Variants in GK observed in about 807,000 individuals in gnomAD.
The protein encoded by GK is glycerol kinase.
Under a neutral mutation model 56.4 loss-of-function variants are expected in GK, and 9 were observed. The ratio of observed to expected loss-of-function variants is 0.16; its 90% CI spans 0.10 to 0.28. The LOEUF is 0.28. Ranked by LOEUF, GK falls within the 10% of genes least tolerant of loss-of-function variation. GK has a pLI of 1.00. For missense variants in GK, 161 were observed against 431.4 expected, an observed-to-expected ratio of 0.37 and a Z score of 5.55; for synonymous variants, 104 against 144.1, an observed-to-expected ratio of 0.72 and a Z score of 1.99.
chrX:30,660,890 G>A (rs766386135), intron 1 of GK, among the ~76,000 whole-genome samples: 1 of 99,463 alleles, frequency 1.0e-5, no homozygotes, highest in Non-Finnish European at 2.0e-5. Flanking sequence ...TCGGCTCACT[G>A]CACCCTCCGC....
intron 3 of GK, among the ~76,000 whole-genome samples, chrX:30,675,340 C>T (rs934034955): frequency 1.6e-4 from 17 of 106,341 alleles, no homozygotes; most frequent in South Asian, 4.3e-4. Context: ...GGACTACAGG[C>T]GCCCACCACC....
chrX:30,705,911 G>A (rs1935979942), intron 11 of GK, among the ~76,000 whole-genome samples: 1 of 111,947 alleles, frequency 8.9e-6, no homozygotes, highest in African/African-American at 3.2e-5. Flanking sequence ...AGACGCGTAC[G>A]CTACTGTTCA....
chrX:30,696,536 C>T, intron 7 of GK, 81 bp from the exon 8 acceptor site: 1 of 706,798 alleles, frequency 1.4e-6, no homozygotes, highest in East Asian at 3.2e-5. Context: ...GTTATTTATG[C>T]TTTTTGCATT....
chrX:30,722,276 C>T (rs1265357136), intron 18 of GK, among the ~76,000 whole-genome samples: 2 of 112,397 alleles, frequency 1.8e-5, no homozygotes, highest in East Asian at 2.8e-4. Flanking sequence ...AAATGTATTT[C>T]ACCATCTGAT....
At chrX:30,699,507 G>A (rs1196182146) in intron 9 of GK, among the ~76,000 whole-genome samples, 3 of 106,412 alleles carry the variant, frequency 2.8e-5, no homozygotes, top group Non-Finnish European at 5.8e-5. Context: ...TGGGATTACA[G>A]GTACCCGCCA....
Position 30,656,595 on chromosome X carries a change from G to A in GK, c.78+2980G>A, listed in dbSNP as rs188296258. On this transcript the variant is annotated intron_variant, in intron 1 of 20. Transcript: ENST00000427190. ...TAAGTCTTCCTCAAACCGTTATTCA[G>A]AATTCCCCCCCCTTCCTACAGCACT... Among the ~76,000 whole-genome samples the A allele has an allele frequency of 2.2e-4, 24 of 110,959 alleles. No homozygotes were observed. In the East Asian group the frequency reaches 5.4e-3, roughly 25 times the overall value.
chrX:30,720,031 A>C lies in GK; in HGVS notation c.1172A>C (p.Gln391Pro). ...TTTAGGATAATCTGTGGACTCACTC[A>C]GTTCACCAATAAATGCCATATTGCT... Reference protein sequence around the residue: ...SARGIICGLTQFTNKCHIAFA... With the variant: ...SARGIICGLTPFTNKCHIAFA... The change falls in exon 16 of 21, where the codon CAG (glutamine) becomes CCG (proline). Residue 391 changes from glutamine to proline, a missense_variant. By Grantham distance (76) the Gln-to-Pro change is moderately conservative (BLOSUM62 -1). Transcript: ENST00000427190. The C allele has an allele frequency of 8.4e-7, 1 of 1,187,720 alleles. No homozygotes were observed. Among genetic ancestry groups the C allele is most frequent in the Non-Finnish European group, 1.1e-6 (1 of 873,530 alleles).
chrX:30,663,113 C>T (rs1220855379), intron 1 of GK, among the ~76,000 whole-genome samples: 24 of 110,016 alleles, frequency 2.2e-4, no homozygotes, highest in African/African-American at 7.6e-4. Flanking sequence ...AAACTCCAGA[C>T]CTCAGGTGAT....
chrX:30,696,945 G>C, intron 8 of GK: 1 of 352,769 alleles, frequency 2.8e-6, no homozygotes, highest in Non-Finnish European at 5.0e-6. Flanking sequence ...GTTGGCATGA[G>C]CCAATTTATT....
chrX:30,675,062 C>T (rs775148163), intron 3 of GK, among the ~76,000 whole-genome samples: 1 of 111,712 alleles, frequency 9.0e-6, no homozygotes, highest in African/African-American at 3.3e-5. Context: ...TTAGGCTACA[C>T]AGCAGAAGAG....
Position 30,675,289 on chromosome X carries a change from A to G in GK, c.260-2086A>G, listed in dbSNP as rs1933805226. ...CGGCTCACTGCAAGCTCCGCCTCCCAGGTTCATGCCATTCTCCTGCCTCAG... is the reference window on the plus strand; with the variant it reads ...CGGCTCACTGCAAGCTCCGCCTCCCGGGTTCATGCCATTCTCCTGCCTCAG... On this transcript the variant is annotated intron_variant, in intron 3 of 20. Coordinates refer to ENST00000427190, the MANE Select transcript of GK (RefSeq NM_001205019.2). 5.8e-5 allele frequency among the ~76,000 whole-genome samples: 6 copies of G among 103,904 alleles called. No homozygotes were observed. In the Admixed American group the frequency reaches 6.3e-4, roughly 11 times the overall value. 90.2% of individuals were successfully genotyped at this position (103,904 alleles called of 115,157 possible). A position where few individuals can be genotyped will look rare whatever the true frequency, so the allele number is the denominator to read the frequency against.
chrX:30,708,017 T>G (rs1936110302), intron 12 of GK, 37 bp from the exon 13 acceptor site: 1 of 861,269 alleles, frequency 1.2e-6, no homozygotes, highest in Admixed American at 2.3e-5. Context: ...TCTTTTCATT[T>G]TCCACTACTG....
At chrX:30,719,959 AATTG>A in intron 15 of GK, 48 bp from the exon 16 acceptor site, 2 of 832,382 alleles carry the variant, frequency 2.4e-6, no homozygotes, top group Non-Finnish European at 3.6e-6. Context: ...AGATATTTCA[AATTG>A]ATTGGTTTAT....
At chrX:30,699,280 TAC>T (rs1205737677) in intron 9 of GK, among the ~76,000 whole-genome samples, 22 of 91,641 alleles carry the variant, frequency 2.4e-4, no homozygotes, top group South Asian at 5.1e-4. Context: ...CATGTATATA[TAC>T]AACATGTTAT....
chrX:30,670,955 C>G (rs1424482997), intron 3 of GK, among the ~76,000 whole-genome samples: 1 of 108,604 alleles, frequency 9.2e-6, no homozygotes, highest in Non-Finnish European at 1.9e-5. Flanking sequence ...TGTACTCCAG[C>G]CTGGGCAACA....
intron 9 of GK, among the ~76,000 whole-genome samples, chrX:30,698,701 C>CAAA (rs10682299): frequency 0.063 from 5,083 of 81,101 alleles, 232 homozygotes; most frequent in Non-Finnish European, 0.089. Flanking sequence ...GACTCCGTCT[C>CAAA]AAAAAAAAAA....
chrX:30,675,792 G>A (rs1477635121), intron 3 of GK, among the ~76,000 whole-genome samples: 2 of 109,911 alleles, frequency 1.8e-5, no homozygotes, highest in East Asian at 5.7e-4. Flanking sequence ...ACCACACCTG[G>A]CTAATTTTTT....
chrX:30,692,437 C>A (rs140532324), intron 5 of GK, among the ~76,000 whole-genome samples: 391 of 111,593 alleles, frequency 3.5e-3, no homozygotes, highest in African/African-American at 0.012. Flanking sequence ...TTTGGGATGA[C>A]CCTTGTTCCT....
At chrX:30,713,205 C>A (rs781088662) in intron 13 of GK, among the ~76,000 whole-genome samples, 1 of 111,294 alleles carries the variant, frequency 9.0e-6, no homozygotes, top group East Asian at 2.8e-4. Context: ...AAGCATTGAG[C>A]CTGATTCTAT....
Sources: gnomAD v4.1 joint callset for allele counts (sites outside exome capture counted in the v4.1 genomes callset) on GRCh38, gnomAD v4.1.1 for gene constraint, MANE v1.5 for transcripts, NCBI Gene and HGNC (gene_info 2026-07-23, HGNC 2026-07-21) for gene names.